Variants in TMEM163 observed in about 807,000 individuals in gnomAD.
TMEM163 encodes the protein transmembrane protein 163.
A neutral mutation model predicts 29.3 loss-of-function variants in TMEM163; 17 were observed. The ratio of observed to expected loss-of-function variants is 0.58; its 90% CI spans 0.40 to 0.87. The LOEUF (loss-of-function observed/expected upper bound fraction) is 0.87. TMEM163 is among the 40% of genes least tolerant of loss of function. TMEM163 has a pLI of 0.00. For synonymous variants in TMEM163, 157 were observed against 160.6 expected (o/e 0.98, Z 0.17); for missense variants, 303 against 381.5 (o/e 0.79, Z 1.71).
At chr2:134,612,225 A>G (rs567548636) in intron 2 of TMEM163, among the ~76,000 whole-genome samples, 32 of 152,324 alleles carry the variant, frequency 2.1e-4, no homozygotes, top group Admixed American at 1.2e-3. Flanking sequence ...GAAAAGCTCT[A>G]TCTCCAGGGT....
At position 134,466,184 on chromosome 2, in the gene TMEM163, A is replaced by G; in HGVS notation, c.597T>C (p.Leu199=). The G allele has an allele frequency of 1.9e-6, 3 of 1,614,022 alleles. No homozygotes were observed. The highest frequency in any genetic ancestry group is 2.5e-6 in the Non-Finnish European group (3 of 1,179,992). Residue 199 remains leucine, a synonymous_variant, in exon 6 of 8, where the codon CTT becomes CTC. Coordinates refer to ENST00000281924, the MANE Select transcript of TMEM163 (RefSeq NM_030923.5). ...ACTTCAACACGGCCAGGATGCTGCA[A>G]AGAATCCCACTTAAAATGGAGACAC... The part of the protein sequence containing the change: ...LFSVSILSGI[L]CSILAVLKFM...
intron 2 of TMEM163, among the ~76,000 whole-genome samples, chr2:134,629,007 T>A (rs1193341038): frequency 6.6e-6 from 1 of 152,242 alleles, no homozygotes; most frequent in Non-Finnish European, 1.5e-5. Flanking sequence ...TGTTAGATGA[T>A]CAGCTAGTTG....
At chr2:134,476,693 G>A (rs1463677788) in intron 5 of TMEM163, among the ~76,000 whole-genome samples, 2 of 152,190 alleles carry the variant, frequency 1.3e-5, no homozygotes, top group East Asian at 3.8e-4. Flanking sequence ...GAGGTCAGTG[G>A]TGGAACATGG....
intron 2 of TMEM163, among the ~76,000 whole-genome samples, chr2:134,661,931 T>C (rs945845592): frequency 7.3e-6 from 1 of 137,694 alleles, no homozygotes; most frequent in African/African-American, 2.8e-5. Context: ...TTTTCTTTCT[T>C]TTTTTTTTTT....
At chr2:134,564,252 A>G (rs1574241272) in intron 2 of TMEM163, among the ~76,000 whole-genome samples, 1 of 152,356 alleles carries the variant, frequency 6.6e-6, no homozygotes, top group Admixed American at 6.5e-5. Flanking sequence ...CTTGATTTAT[A>G]TATTTCAAAA....
intron 6 of TMEM163, among the ~76,000 whole-genome samples, chr2:134,465,057 A>T (rs1432740134): frequency 6.6e-6 from 1 of 152,034 alleles, no homozygotes; most frequent in African/African-American, 2.4e-5. Flanking sequence ...AGTATTTCTT[A>T]AAAAAATAAT....
chr2:134,707,951 C>T (rs373309115), intron 2 of TMEM163, among the ~76,000 whole-genome samples: 18 of 147,192 alleles, frequency 1.2e-4, no homozygotes, highest in African/African-American at 4.0e-4. Flanking sequence ...TGCAATGGTG[C>T]GATCTCAGCT....
intron 3 of TMEM163, among the ~76,000 whole-genome samples, chr2:134,551,550 G>GA (rs1680924468): frequency 6.6e-6 from 1 of 152,160 alleles, no homozygotes; most frequent in Non-Finnish European, 1.5e-5. Context: ...GGGGCCTGGG[G>GA]AAACTTCACC....
rs148488177 is a variant in TMEM163 at position 134,456,700 on chromosome 2, C to G, written c.*16G>C. On this transcript the variant is annotated 3_prime_UTR_variant, in exon 8 of 8. Transcript: ENST00000281924. ...AACTCCTCATCTCGATGGTCTCATGCGGATGCTGGCCCCCTTCACTCAAAC... is the reference window on the plus strand; with the variant it reads ...AACTCCTCATCTCGATGGTCTCATGGGGATGCTGGCCCCCTTCACTCAAAC... The G allele has an allele frequency of 1.5e-4, 249 of 1,613,656 alleles. No homozygotes were observed. In the African/African-American group the frequency reaches 3.1e-3, roughly 20 times the overall value.
chr2:134,616,466 A>G (rs1416079474), intron 2 of TMEM163, among the ~76,000 whole-genome samples: 1 of 152,226 alleles, frequency 6.6e-6, no homozygotes, highest in Non-Finnish European at 1.5e-5. Flanking sequence ...ACCCATTTGC[A>G]TCAGTAAATA....
chr2:134,466,099 C>T lies in TMEM163; in HGVS notation c.667+15G>A. On this transcript the variant is annotated intron_variant, in intron 6 of 7. Coordinates refer to ENST00000281924, the MANE Select transcript of TMEM163 (RefSeq NM_030923.5). ...AGCCCAGCCCCCAGAGATTAGGCAC[C>T]CTGGCCTTACTCACCATCTGTTATG... 6.3e-7 allele frequency: 1 copy of T among 1,597,780 alleles called. No homozygotes were observed. Among genetic ancestry groups the T allele is most frequent in the Non-Finnish European group, 8.6e-7 (1 of 1,168,740 alleles).
At chr2:134,661,365 A>G (rs1228913037) in intron 2 of TMEM163, among the ~76,000 whole-genome samples, 1 of 152,218 alleles carries the variant, frequency 6.6e-6, no homozygotes, top group Non-Finnish European at 1.5e-5. Flanking sequence ...ACACGAAACA[A>G]ACTCAGACAC....
At chr2:134,465,337 A>G (rs757274092) in intron 6 of TMEM163, among the ~76,000 whole-genome samples, 22 of 152,174 alleles carry the variant, frequency 1.4e-4, no homozygotes, top group Non-Finnish European at 2.5e-4. Flanking sequence ...AAGAATCCAC[A>G]TATTTCTGCT....
In TMEM163 at chr2:134,458,101, G is replaced by A. The variant is rs754693114; in HGVS notation, c.740C>T (p.Ser247Leu). 1.9e-5 allele frequency: 30 copies of A among 1,614,050 alleles called. No homozygotes were observed. The highest frequency in any genetic ancestry group is 1.0e-4 in the Admixed American group (6 of 60,012). Residue 247 changes from serine to leucine, a missense_variant, in exon 7 of 8, where the codon TCG (serine) becomes TTG (leucine). Physicochemically the swap from Ser to Leu is moderately radical, Grantham distance 145. This residue lies in a region of TMEM163 where 203 missense variants were observed against 294.3 expected (regional missense o/e 0.69). Transcript: ENST00000281924. ...LLSAEVFKHD[S>L]AVWYLDGSIG... ...GCTGCCGTCCAGGTACCAGACCGCC[G>A]AGTCATGCTTGAACACTTCCGCGCT...
rs80277320 is a variant in TMEM163 at position 134,518,228 on chromosome 2, T to C, written c.459-15231A>G. Among the ~76,000 whole-genome samples, 35 of 152,342 alleles carry C rather than the reference T, an allele frequency of 2.3e-4. No individual in the cohort carries two copies. The East Asian group carries it at 6.4e-3, about 28-fold the overall frequency. ...GGAAAAGCACATTAATGATTCATCT[T>C]AGAGCTTTCACCTAGAAGGGCGAGT... On this transcript the variant is annotated intron_variant, in intron 4 of 7. Coordinates refer to ENST00000281924, the MANE Select transcript of TMEM163 (RefSeq NM_030923.5).
chr2:134,468,640 C>G (rs556491771), intron 5 of TMEM163: 2 of 152,214 alleles, frequency 1.3e-5, no homozygotes, highest in Non-Finnish European at 2.9e-5. Context: ...GCCTGAATCC[C>G]CTTTGGCTCC....
chr2:134,491,725 T>C (rs972423286), intron 5 of TMEM163, among the ~76,000 whole-genome samples: 1 of 152,210 alleles, frequency 6.6e-6, no homozygotes, highest in African/African-American at 2.4e-5. Flanking sequence ...GAAGGTCTAA[T>C]GAGATATCAA....
chr2:134,562,049 T>C (rs1462083158), intron 2 of TMEM163, among the ~76,000 whole-genome samples: 2 of 152,234 alleles, frequency 1.3e-5, no homozygotes, highest in Non-Finnish European at 2.9e-5. Flanking sequence ...ACTTTCGCAT[T>C]TTATCTTCTC....
At chr2:134,476,300 G>C (rs1686911125) in intron 5 of TMEM163, among the ~76,000 whole-genome samples, 1 of 152,174 alleles carries the variant, frequency 6.6e-6, no homozygotes, top group Non-Finnish European at 1.5e-5. Context: ...AAGCAGACTA[G>C]CTGGGGAGAG....
Sources: gnomAD v4.1 joint callset for allele counts (sites outside exome capture counted in the v4.1 genomes callset) on GRCh38, gnomAD v4.1.1 for gene constraint, gnomAD v4.1.1 regional missense constraint, MANE v1.5 for transcripts, NCBI Gene and HGNC (gene_info 2026-07-23, HGNC 2026-07-21) for gene names.